NCAPD2: variants seen among roughly 807,000 people sequenced by gnomAD.
NCAPD2 encodes the protein non-SMC condensin I complex subunit D2.
NCAPD2 carries 100 observed loss-of-function variants against 164.5 expected under a neutral mutation model. That is an observed-to-expected ratio of 0.61 (90% CI 0.52 to 0.72). The LOEUF is 0.72. NCAPD2 is among the 30% of genes least tolerant of loss of function. NCAPD2 has a pLI of 0.00. For synonymous variants in NCAPD2, 585 were observed against 642.6 expected, an observed-to-expected ratio of 0.91 and a Z score of 1.36; for missense variants, 1,560 against 1,749.2, an observed-to-expected ratio of 0.89 and a Z score of 1.93.
chr12:6,526,047 T>A, intron 18 of NCAPD2, 21 bp from the exon 19 acceptor site: 1 of 1,612,390 alleles, frequency 6.2e-7, no homozygotes, highest in Non-Finnish European at 8.5e-7. Context: ...TGCCTTTAAC[T>A]CTGTGGCTTC....
chr12:6,518,520 T>TTTTTTTTTTTTTTTTG (rs1946231966), intron 13 of NCAPD2, among the ~76,000 whole-genome samples: 1 of 114,012 alleles, frequency 8.8e-6, no homozygotes, highest in African/African-American at 3.8e-5. Flanking sequence ...TTTTTTTTTT[T>TTTTTTTTTTTTTTTTG]TTTTTTTTTT....
Position 6,510,019 on chromosome 12 carries a change from G to C in NCAPD2, c.204-56G>C, listed in dbSNP as rs1035990629. On this transcript the variant is annotated intron_variant, in intron 3 of 31. Coordinates refer to ENST00000315579, the MANE Select transcript of NCAPD2 (RefSeq NM_014865.4). Reference sequence around the variant, plus strand: ...TCCACGGGTTAGATCTGATCTGTTAGAAGGGGCTCTGCAGGCTCCTTCCTG... The same window carrying C: ...TCCACGGGTTAGATCTGATCTGTTACAAGGGGCTCTGCAGGCTCCTTCCTG... The C allele has an allele frequency of 3.8e-5, 58 of 1,542,990 alleles. No homozygotes were observed. In the Admixed American group the frequency reaches 6.9e-4, roughly 18 times the overall value.
At position 6,510,061 on chromosome 12, in the gene NCAPD2, T is replaced by A. The variant is rs768914706; in HGVS notation, c.204-14T>A. The A allele has an allele frequency of 1.1e-5, 18 of 1,612,164 alleles. No individual in the cohort carries two copies. Among genetic ancestry groups the A allele is most frequent in the Non-Finnish European group, 8.5e-7 (1 of 1,178,300 alleles). The stretch of plus-strand genomic sequence containing the variant: ...TCCTTCCTGTCTCACCCCCACACTT[T>A]CTTTCCCTCATAGTCACTTTCGAAG... On this transcript the variant is annotated splice_polypyrimidine_tract_variant and intron_variant, in intron 3 of 31. Transcript: ENST00000315579.
chr12:6,513,420 G>T (rs1946169357), intron 6 of NCAPD2, among the ~76,000 whole-genome samples: 1 of 152,014 alleles, frequency 6.6e-6, no homozygotes. Context: ...GGCTGAGGTG[G>T]GAGCATCACC....
Position 6,514,317 on chromosome 12 carries a change from C to G in NCAPD2, c.640C>G (p.Gln214Glu), listed in dbSNP as rs540954737. 2 of 1,614,188 alleles carry G rather than the reference C, an allele frequency of 1.2e-6. No individual in the cohort carries two copies. The highest frequency in any genetic ancestry group is 2.7e-5 in the African/African-American group (2 of 75,042). Residue 214 changes from glutamine to glutamate, a missense_variant, in exon 7 of 32, where the codon CAG becomes GAG. Transcript: ENST00000315579. ...RLLENPTINH[Q>E]KNRPTREAIT... The stretch of plus-strand genomic sequence containing the variant: ...TCTGGAGAATCCCACCATTAATCAC[C>G]AGAAGAACCGCCCCACTCGGGAAGC...
chr12:6,495,575 C>G (rs558129329), intron 2 of NCAPD2, among the ~76,000 whole-genome samples: 1 of 152,048 alleles, frequency 6.6e-6, no homozygotes, highest in Admixed American at 6.6e-5. Flanking sequence ...GGACTTAACT[C>G]GACCTGTTTT....
At chr12:6,501,111 C>T (rs953966742) in intron 2 of NCAPD2, among the ~76,000 whole-genome samples, 5 of 144,888 alleles carry the variant, frequency 3.5e-5, no homozygotes, top group South Asian at 4.4e-4. Context: ...CCCAGGTTGG[C>T]GTGCAGTGGC....
Position 6,526,576 on chromosome 12 carries a change from G to A in NCAPD2, c.2695G>A (p.Glu899Lys), listed in dbSNP as rs1946320050. The change falls in exon 21 of 32, where the codon GAG becomes AAG. Residue 899 changes from glutamate (E) to lysine (K), a missense_variant. By Grantham distance (56) the Glu-to-Lys change is moderately conservative (BLOSUM62 1). Transcript: ENST00000315579. Reference protein sequence around the residue: ...ILQGCAKQALEKLEEKRTSQE... With the variant: ...ILQGCAKQALKKLEEKRTSQE... Reference sequence around the variant, plus strand: ...GCAGGGCTGTGCAAAACAGGCCCTGGAGAAGCTAGAAGAGAAGAGAACCAG... The same window carrying A: ...GCAGGGCTGTGCAAAACAGGCCCTGAAGAAGCTAGAAGAGAAGAGAACCAG... 2.5e-6 allele frequency: 4 copies of A among 1,614,154 alleles called. No individual in the cohort carries two copies. In the South Asian group the frequency reaches 3.3e-5, roughly 13 times the overall value.
intron 27 of NCAPD2, 148 bp downstream of exon 27, chr12:6,529,187 CT>C: frequency 1.5e-6 from 1 of 681,542 alleles, no homozygotes. Flanking sequence ...ATTTCCTCTT[CT>C]TTTGAGGCTG....
chr12:6,504,196 T>TACAC (rs1385610511), intron 2 of NCAPD2, among the ~76,000 whole-genome samples: 1,630 of 92,202 alleles, frequency 0.018, 135 homozygotes, highest in Non-Finnish European at 0.025. Flanking sequence ...TATATATATA[T>TACAC]ATATATATAT....
chr12:6,496,059 CTTTT>C (rs11423649), intron 2 of NCAPD2, among the ~76,000 whole-genome samples: 2 of 136,588 alleles, frequency 1.5e-5, no homozygotes, highest in Non-Finnish European at 1.6e-5. Context: ...TTTTGTTTTT[CTTTT>C]TTTTTTTTTT....
In NCAPD2 at chr12:6,531,216, G is replaced by A; in HGVS notation, c.4121-111G>A. 2 of 1,481,978 alleles carry A rather than the reference G, an allele frequency of 1.3e-6. No homozygotes were observed. The highest frequency in any genetic ancestry group is 9.3e-7 in the Non-Finnish European group (1 of 1,079,376). 91.8% of individuals were successfully genotyped at this position (1,481,978 alleles called of 1,614,324 possible). A position where few individuals can be genotyped will look rare whatever the true frequency, so the allele number is the denominator to read the frequency against. On this transcript the variant is annotated intron_variant, in intron 31 of 31. Transcript: ENST00000315579. This position sits in a 1 kb window ranked among gnomAD's most constrained non-coding sequence, Gnocchi z 4.1. ...CAGAAGGGCCTCTCCTGTACAGCTTGGATTTTATTTCTTCTGTGCGGTGTG... is the reference window on the plus strand; with the variant it reads ...CAGAAGGGCCTCTCCTGTACAGCTTAGATTTTATTTCTTCTGTGCGGTGTG...
intron 10 of NCAPD2, 53 bp downstream of exon 10, chr12:6,517,078 T>TAAAGAGGA: frequency 6.4e-7 from 1 of 1,571,680 alleles, no homozygotes; most frequent in Non-Finnish European, 8.8e-7. Context: ...TATACCAGTG[T>TAAAGAGGA]AAAGAGGAAT....
In NCAPD2 at chr12:6,511,994, A is replaced by G. The variant is rs560272190; in HGVS notation, c.587+742A>G. Among the ~76,000 whole-genome samples, 5 of 151,050 alleles carry G rather than the reference A, an allele frequency of 3.3e-5. No individual in the cohort carries two copies. In the South Asian group the frequency reaches 6.3e-4, roughly 19 times the overall value. On this transcript the variant is annotated intron_variant, in intron 6 of 31. Coordinates refer to ENST00000315579, the MANE Select transcript of NCAPD2 (RefSeq NM_014865.4). ...AGCAAAATCCCGTCTCAAAAAAAAT[A>G]GATAGGGCCAGGCGCGGTGGCTCAC...
rs370563605 is a variant in NCAPD2, at chr12:6,516,073, G to C, written c.988-755G>C. Among the ~76,000 whole-genome samples the C allele has an allele frequency of 5.6e-4, 85 of 151,792 alleles. 1 individual carries two copies. In the South Asian group the frequency reaches 0.016, roughly 29 times the overall value. ...TAGCTGGGTGTGGTGGCGCGCACCT[G>C]TAATCCTAGCTACTCGGGAGGCTGA... On this transcript the variant is annotated intron_variant, in intron 9 of 31. Coordinates refer to ENST00000315579, the MANE Select transcript of NCAPD2 (RefSeq NM_014865.4).
At position 6,526,930 on chromosome 12, in the gene NCAPD2, A is replaced by G. The variant is rs1191562471; in HGVS notation, c.2774A>G (p.Asn925Ser). The change falls in exon 22 of 32, where the codon AAC becomes AGC. Residue 925 changes from asparagine to serine, a missense_variant. By Grantham distance (46) the Asn-to-Ser change is conservative (BLOSUM62 1). Transcript: ENST00000315579. Reference sequence around the variant, plus strand: ...ATGCTCCCCACTTTCCTGTTGATGAACCTGCTGTCCCTGGCTGGGGATGTG... The same window carrying G: ...ATGCTCCCCACTTTCCTGTTGATGAGCCTGCTGTCCCTGGCTGGGGATGTG... ...PAMLPTFLLM[N>S]LLSLAGDVAL... The G allele has an allele frequency of 1.2e-6, 2 of 1,613,912 alleles. No homozygotes were observed. Among genetic ancestry groups the G allele is most frequent in the South Asian group, 2.2e-5 (2 of 91,052 alleles).
intron 6 of NCAPD2, among the ~76,000 whole-genome samples, chr12:6,512,348 G>A (rs901161895): frequency 6.6e-6 from 1 of 151,368 alleles, no homozygotes; most frequent in Non-Finnish European, 1.5e-5. Context: ...ACTCTAGTAA[G>A]ACTTCTTTGA....
At position 6,517,952 on chromosome 12, in the gene NCAPD2, A is replaced by G. The variant is rs1299989514; in HGVS notation, c.1582A>G (p.Ser528Gly). ...GRIYQLLAKA[S>G]YKKAIILTRE... ...CATCTATCAACTGCTTGCCAAAGCTAGTTACAAGTAGGCAAAAGAATGGGA... is the reference window on the plus strand; with the variant it reads ...CATCTATCAACTGCTTGCCAAAGCTGGTTACAAGTAGGCAAAAGAATGGGA... The change falls in exon 13 of 32, where the codon AGT becomes GGT. Residue 528 changes from serine to glycine, a missense_variant. Ser to Gly is a moderately conservative substitution (Grantham distance 56). Transcript: ENST00000315579. 1.2e-6 allele frequency: 2 copies of G among 1,613,486 alleles called. No homozygotes were observed. Among genetic ancestry groups the G allele is most frequent in the Admixed American group, 1.7e-5 (1 of 60,006 alleles).
intron 9 of NCAPD2, 71 bp downstream of exon 9, chr12:6,514,991 T>A: frequency 6.5e-7 from 1 of 1,533,366 alleles, no homozygotes; most frequent in Non-Finnish European, 9.0e-7. Context: ...GGCTGTTTCT[T>A]AACAGAACAA....
Sources: allele counts gnomAD v4.1 joint callset (sites outside exome capture counted in the v4.1 genomes callset), GRCh38; gene constraint gnomAD v4.1.1; non-coding constraint Gnocchi (gnomAD v3.1); transcripts MANE v1.5; gene names NCBI Gene and HGNC (gene_info 2026-07-23, HGNC 2026-07-21).